GPC6: variants seen among roughly 807,000 people sequenced by gnomAD.
The protein encoded by GPC6 is glypican-6.
In GPC6, 14 loss-of-function variants were observed where a neutral mutation model predicts 55.2. The observed-to-expected ratio is 0.25, with a 90% CI of 0.17 to 0.40. The LOEUF (loss-of-function observed/expected upper bound fraction) is 0.40, where lower values mean the gene tolerates loss of function less well. Among genes scored for constraint, GPC6 ranks in the 10% least tolerant of loss-of-function variants. The pLI, the probability that GPC6 is intolerant of heterozygous loss-of-function variation, is 1.00. For synonymous variants in GPC6, 278 were observed against 259.6 expected (o/e 1.07, Z -0.68); for missense variants, 641 against 708.5 (o/e 0.90, Z 1.08).
chr13:93,341,873 TTTTAA>T (rs1035296055), intron 1 of GPC6, among the ~76,000 whole-genome samples: 7 of 151,756 alleles, frequency 4.6e-5, no homozygotes, highest in African/African-American at 1.7e-4. Context: ...TGGTATCAGG[TTTTAA>T]TTTAAGTCAT....
intron 4 of GPC6, among the ~76,000 whole-genome samples, chr13:94,159,710 G>A (rs188654402): frequency 3.9e-5 from 6 of 152,238 alleles, no homozygotes; most frequent in Admixed American, 2.6e-4. Context: ...AAGCGTATGC[G>A]AGAATTACCC....
At chr13:93,395,279 T>C in intron 1 of GPC6, 1 of 490,808 alleles carries the variant, frequency 2.0e-6, no homozygotes, top group Non-Finnish European at 3.9e-6. Flanking sequence ...AGAACCACTT[T>C]GACCTCTTTG....
chr13:93,736,104 T>A (rs1344054577), intron 2 of GPC6, among the ~76,000 whole-genome samples: 1 of 152,116 alleles, frequency 6.6e-6, no homozygotes, highest in Non-Finnish European at 1.5e-5. Flanking sequence ...TCTAGAAGAG[T>A]TTATCATCTT....
intron 4 of GPC6, among the ~76,000 whole-genome samples, chr13:94,271,279 C>T (rs916336039): frequency 1.3e-5 from 2 of 151,436 alleles, no homozygotes; most frequent in Non-Finnish European, 3.0e-5. Context: ...GCATGAGCCA[C>T]CGCACCTGGC....
chr13:93,670,527 A>C (rs1396315095), intron 2 of GPC6, among the ~76,000 whole-genome samples: 1 of 152,224 alleles, frequency 6.6e-6, no homozygotes, highest in Admixed American at 6.5e-5. Context: ...ATTGATGGAA[A>C]GGTCATATAA....
chr13:93,681,644 G>T (rs1057449708), intron 2 of GPC6, among the ~76,000 whole-genome samples: 1 of 152,018 alleles, frequency 6.6e-6, no homozygotes, highest in African/African-American at 2.4e-5. Context: ...ATTGATATTT[G>T]GTTATTTATC....
At chr13:93,407,254 TA>T (rs1468308877) in intron 1 of GPC6, among the ~76,000 whole-genome samples, 1 of 152,146 alleles carries the variant, frequency 6.6e-6, no homozygotes, top group Non-Finnish European at 1.5e-5. Flanking sequence ...TACATATGTA[TA>T]TTTTTTATTT....
At chr13:94,319,829 G>A (rs966164297) in intron 6 of GPC6, among the ~76,000 whole-genome samples, 9 of 151,926 alleles carry the variant, frequency 5.9e-5, no homozygotes, top group South Asian at 2.1e-4. Flanking sequence ...ATATAATTTC[G>A]TCATAATGTG....
chr13:93,931,819 A>C (rs117000954), intron 3 of GPC6, among the ~76,000 whole-genome samples: 3,654 of 151,600 alleles, frequency 0.024, 58 homozygotes, highest in Middle Eastern at 0.052. Flanking sequence ...AAGCAGACAC[A>C]GTGCTCAATG....
chr13:94,092,935 T>G (rs565511769), intron 4 of GPC6, among the ~76,000 whole-genome samples: 2 of 152,256 alleles, frequency 1.3e-5, no homozygotes, highest in East Asian at 1.9e-4. Flanking sequence ...TTTTGAGAAA[T>G]GTCCATTTTT....
chr13:93,543,202 A>G (rs1882399083), intron 1 of GPC6, among the ~76,000 whole-genome samples: 1 of 152,160 alleles, frequency 6.6e-6, no homozygotes, highest in Non-Finnish European at 1.5e-5. Context: ...CGTCCCATCA[A>G]TACCTAATTT....
upstream of GPC6, among the ~76,000 whole-genome samples, chr13:93,224,125 C>T (rs1399682448): frequency 6.6e-6 from 1 of 151,598 alleles, no homozygotes; most frequent in Non-Finnish European, 1.5e-5. Context: ...GTCTCGATCT[C>T]CTGACCTCGT....
chr13:93,510,041 GT>G (rs1435150063), intron 1 of GPC6, among the ~76,000 whole-genome samples: 10 of 152,090 alleles, frequency 6.6e-5, no homozygotes, highest in Admixed American at 5.2e-4. Flanking sequence ...TCTTCTGAAT[GT>G]TTTTTTCTCT....
At chr13:94,144,271 A>G (rs1175070746) in intron 4 of GPC6, among the ~76,000 whole-genome samples, 2 of 152,032 alleles carry the variant, frequency 1.3e-5, no homozygotes, top group Non-Finnish European at 2.9e-5. Flanking sequence ...AAAAGAGTGA[A>G]CAGTCATTAT....
intron 1 of GPC6, among the ~76,000 whole-genome samples, chr13:93,540,848 C>T (rs2139426456): frequency 6.6e-6 from 1 of 152,198 alleles, no homozygotes; most frequent in South Asian, 2.1e-4. Flanking sequence ...TTACTTTCCT[C>T]TACCCTTCCC....
At chr13:93,276,165 C>T (rs1349618821) in intron 1 of GPC6, among the ~76,000 whole-genome samples, 2 of 152,142 alleles carry the variant, frequency 1.3e-5, no homozygotes, top group African/African-American at 4.8e-5. Context: ...TGAGCCACCG[C>T]GCCCAGCGAG....
At chr13:93,585,688 G>A (rs769762844) in intron 2 of GPC6, among the ~76,000 whole-genome samples, 5 of 152,134 alleles carry the variant, frequency 3.3e-5, no homozygotes, top group African/African-American at 4.8e-5. Context: ...AGACTTTTGA[G>A]GGGGCACTTC....
intron 3 of GPC6, among the ~76,000 whole-genome samples, chr13:93,895,234 G>GTGTA (rs1196315147): frequency 0.018 from 1,956 of 107,926 alleles, 130 homozygotes; most frequent in Non-Finnish European, 0.025. Context: ...GTGTGTGTGT[G>GTGTA]TATATATATA....
rs200771618 is a variant in GPC6 at position 94,248,933 on chromosome 13, C to A, written c.878-37416C>A. Among the ~76,000 whole-genome samples the A allele has an allele frequency of 2.0e-5, 3 of 152,060 alleles. No homozygotes were observed. In the East Asian group the frequency reaches 5.8e-4, roughly 29 times the overall value. ...ACTAAGTTGCTGATGAAATGCATTGCAAATATGTTAGTTTCAGGGTGGTTA... is the reference window on the plus strand; with the variant it reads ...ACTAAGTTGCTGATGAAATGCATTGAAAATATGTTAGTTTCAGGGTGGTTA... On this transcript the variant is annotated intron_variant, in intron 4 of 8. Coordinates refer to ENST00000377047, the MANE Select transcript of GPC6 (RefSeq NM_005708.5).
Sources: allele counts gnomAD v4.1 joint callset (sites outside exome capture counted in the v4.1 genomes callset), GRCh38; gene constraint gnomAD v4.1.1; transcripts MANE v1.5; gene names NCBI Gene and HGNC (gene_info 2026-07-23, HGNC 2026-07-21).